The following DLG2 variants were observed in gnomAD, a reference collection of about 807,000 sequenced individuals.
DLG2 encodes the protein discs large MAGUK scaffold protein 2.
DLG2 carries 45 observed loss-of-function variants against 132.5 expected under a neutral mutation model. The ratio of observed to expected loss-of-function variants is 0.34; its 90% CI spans 0.27 to 0.44. DLG2 has a LOEUF of 0.44. Among genes scored for constraint, DLG2 ranks in the 20% least tolerant of loss-of-function variants. The pLI is 1.00. For synonymous variants in DLG2, 424 were observed against 419.6 expected (o/e 1.01, Z -0.13); for missense variants, 1,045 against 1,196.9 (o/e 0.87, Z 1.87).
chr11:84,867,841 A>G (rs1431015717), intron 6 of DLG2, among the ~76,000 whole-genome samples: 4 of 152,126 alleles, frequency 2.6e-5, no homozygotes, highest in Admixed American at 1.3e-4. Flanking sequence ...TTGGGAGGCC[A>G]AGGCGGGTGG....
intron 3 of DLG2, among the ~76,000 whole-genome samples, chr11:85,522,806 T>A (rs1041687118): frequency 1.3e-5 from 2 of 152,198 alleles, no homozygotes; most frequent in Non-Finnish European, 2.9e-5. Context: ...CCAATGCCTG[T>A]ACCCCCATTG....
At chr11:85,254,016 C>A (rs1027350040) in intron 4 of DLG2, among the ~76,000 whole-genome samples, 1 of 152,134 alleles carries the variant, frequency 6.6e-6, no homozygotes, top group African/African-American at 2.4e-5. Flanking sequence ...GGGGGCAGGA[C>A]AGGCATTGGA....
intron 9 of DLG2, among the ~76,000 whole-genome samples, chr11:84,156,834 C>T (rs779068268): frequency 5.9e-5 from 9 of 152,094 alleles, no homozygotes; most frequent in Admixed American, 1.3e-4. Flanking sequence ...TAAGAAGAGA[C>T]CCATTAAAGT....
At chr11:84,787,010 A>G (rs17808315) in intron 6 of DLG2, among the ~76,000 whole-genome samples, 41,605 of 152,016 alleles carry the variant, frequency 0.27, 6,257 homozygotes, top group Middle Eastern at 0.32. Flanking sequence ...ACCCAAACCA[A>G]TCTAATTAGA....
chr11:83,619,226 T>C (rs1206717188), intron 19 of DLG2, among the ~76,000 whole-genome samples: 1 of 152,188 alleles, frequency 6.6e-6, no homozygotes, highest in Non-Finnish European at 1.5e-5. Flanking sequence ...ATGTCAAAGA[T>C]CTACTCACTG....
intron 11 of DLG2, among the ~76,000 whole-genome samples, chr11:84,028,686 T>C (rs529829540): frequency 6.6e-6 from 1 of 152,270 alleles, no homozygotes; most frequent in South Asian, 2.1e-4. Flanking sequence ...CTTTGCTTCA[T>C]GAAAATTCCT....
At chr11:85,563,948 C>T (rs2077394091) in intron 3 of DLG2, among the ~76,000 whole-genome samples, 1 of 152,028 alleles carries the variant, frequency 6.6e-6, no homozygotes, top group South Asian at 2.1e-4. Flanking sequence ...TGGGTTCCTG[C>T]CAACATTTCG....
intron 6 of DLG2, among the ~76,000 whole-genome samples, chr11:84,772,541 T>A (rs1286226229): frequency 6.6e-6 from 1 of 152,106 alleles, no homozygotes; most frequent in Non-Finnish European, 1.5e-5. Flanking sequence ...GCCACACACT[T>A]GGCCACAAAA....
chr11:83,884,295 C>A (rs757067962), intron 15 of DLG2, among the ~76,000 whole-genome samples: 1 of 152,228 alleles, frequency 6.6e-6, no homozygotes, highest in Admixed American at 6.5e-5. Flanking sequence ...GATTATATCC[C>A]GCATCTGGCT....
chr11:84,248,218 C>T (rs1306409847), intron 8 of DLG2, among the ~76,000 whole-genome samples: 1 of 152,054 alleles, frequency 6.6e-6, no homozygotes, highest in Non-Finnish European at 1.5e-5. Context: ...CTAAATCTGC[C>T]ATTTTCAATA....
At chr11:84,960,415 A>G (rs1053617215) in intron 6 of DLG2, among the ~76,000 whole-genome samples, 9 of 152,022 alleles carry the variant, frequency 5.9e-5, no homozygotes, top group African/African-American at 2.2e-4. Flanking sequence ...ACTTATTTCT[A>G]TAACAAAATG....
At chr11:84,818,544 G>T (rs2077320364) in intron 6 of DLG2, among the ~76,000 whole-genome samples, 1 of 151,694 alleles carries the variant, frequency 6.6e-6, no homozygotes, top group South Asian at 2.1e-4. Flanking sequence ...CAAGCCAGAA[G>T]TTCAGAGACA....
At chr11:85,376,758 A>G (rs999207895) in intron 3 of DLG2, among the ~76,000 whole-genome samples, 2 of 152,186 alleles carry the variant, frequency 1.3e-5, no homozygotes, top group Non-Finnish European at 2.9e-5. Flanking sequence ...ACCATTAGAA[A>G]AGGGTGAAAA....
intron 3 of DLG2, among the ~76,000 whole-genome samples, chr11:85,332,286 G>A (rs2081814299): frequency 6.6e-6 from 1 of 152,110 alleles, no homozygotes. Flanking sequence ...ATCTGTTGAT[G>A]TTCTTTGCCC....
At chr11:84,920,164 C>T (rs1294590746) in intron 6 of DLG2, among the ~76,000 whole-genome samples, 1 of 152,164 alleles carries the variant, frequency 6.6e-6, no homozygotes, top group African/African-American at 2.4e-5. Flanking sequence ...GATGACCACT[C>T]AGTCAATTCA....
intron 18 of DLG2, among the ~76,000 whole-genome samples, chr11:83,685,421 T>TA (rs1340315207): frequency 6.6e-6 from 1 of 152,158 alleles, no homozygotes; most frequent in East Asian, 1.9e-4. Context: ...GTTTTCAGTT[T>TA]ATTCAACCAT....
At chr11:84,455,396 G>C (rs904488488) in intron 7 of DLG2, among the ~76,000 whole-genome samples, 18 of 151,278 alleles carry the variant, frequency 1.2e-4, no homozygotes, top group African/African-American at 4.4e-4. Context: ...GACTTAAGCA[G>C]TGTACCTAAT....
intron 7 of DLG2, among the ~76,000 whole-genome samples, chr11:84,383,875 C>T (rs2098757933): frequency 6.6e-6 from 1 of 151,940 alleles, no homozygotes; most frequent in Non-Finnish European, 1.5e-5. Flanking sequence ...TGGTTTGTTT[C>T]AAGGGACTGT....
At chr11:85,144,581 T>A (rs964184401) in intron 5 of DLG2, among the ~76,000 whole-genome samples, 9 of 151,916 alleles carry the variant, frequency 5.9e-5, no homozygotes, top group Admixed American at 3.9e-4. Flanking sequence ...TTTCTGTGTA[T>A]CTGTTGTGGG....
Sources: gnomAD v4.1 joint callset for allele counts (sites outside exome capture counted in the v4.1 genomes callset) on GRCh38, gnomAD v4.1.1 for gene constraint, MANE v1.5 for transcripts, NCBI Gene and HGNC (gene_info 2026-07-23, HGNC 2026-07-21) for gene names.